The following RYR2 variants were observed in gnomAD, a reference collection of about 807,000 sequenced individuals.
The protein encoded by RYR2 is cardiac muscle ryanodine receptor-calcium release channel.
A neutral mutation model predicts 601.1 loss-of-function variants in RYR2; 227 were observed. The observed-to-expected ratio is 0.38, with a 90% CI of 0.34 to 0.42. The LOEUF is 0.42. Ranked by LOEUF, RYR2 falls within the 10% of genes least tolerant of loss-of-function variation. The probability of loss-of-function intolerance (pLI) is 1.00; values close to 1 mark genes in which losing one functional copy is unlikely to be tolerated. For synonymous variants in RYR2, 2,223 were observed against 2,175.1 expected (o/e 1.02, Z -0.61); for missense variants, 4,646 against 6,156.5 (o/e 0.75, Z 8.21).
chr1:237,745,588 A>C (rs1692001819), intron 80 of RYR2, among the ~76,000 whole-genome samples: 1 of 152,204 alleles, frequency 6.6e-6, no homozygotes, highest in African/African-American at 2.4e-5. Context: ...TGACATTAGA[A>C]AGGCTCCTCA....
intron 1 of RYR2, among the ~76,000 whole-genome samples, chr1:237,101,960 A>G (rs1668151047): frequency 6.6e-6 from 1 of 152,220 alleles, no homozygotes; most frequent in Admixed American, 6.5e-5. Context: ...GTGAGTTAAT[A>G]ATGTGGCATC....
rs527828648 is a variant in RYR2 at position 237,383,277 on chromosome 1, G to A, written c.577-4004G>A. Among the ~76,000 whole-genome samples, 25 of 152,032 alleles carry A rather than the reference G, an allele frequency of 1.6e-4. No homozygotes were observed. In the South Asian group the frequency reaches 3.3e-3, roughly 20 times the overall value. On this transcript the variant is annotated intron_variant, in intron 8 of 104. Coordinates refer to ENST00000366574, the MANE Select transcript of RYR2 (RefSeq NM_001035.3). ...AAGAACTCCTGGAAGGTGATTTATCGTGTCCCTTCCATTTCTGAGATGTTG... is the reference window on the plus strand; with the variant it reads ...AAGAACTCCTGGAAGGTGATTTATCATGTCCCTTCCATTTCTGAGATGTTG...
intron 2 of RYR2, among the ~76,000 whole-genome samples, chr1:237,289,602 T>G (rs895229801): frequency 2.0e-5 from 3 of 152,026 alleles, no homozygotes; most frequent in Non-Finnish European, 4.4e-5. Context: ...AGCATGGGGG[T>G]AACCATCACC....
Position 237,808,946 on chromosome 1 carries a change from A to T in RYR2, c.14344A>T (p.Thr4782Ser). ...ATTAGCTGTTGTTGTATACCTATAC[A>T]CTGTGGTGGCATTCAATTTTTTCCG... ...GLLAVVVYLY[T>S]VVAFNFFRKF... Residue 4782 changes from threonine (T) to serine (S), a missense_variant, in exon 100 of 105, where the codon ACT becomes TCT. By Grantham distance (58) the Thr-to-Ser change is moderately conservative. Coordinates refer to ENST00000366574, the MANE Select transcript of RYR2 (RefSeq NM_001035.3). The T allele has an allele frequency of 6.2e-7, 1 of 1,613,364 alleles. No homozygotes were observed. The highest frequency in any genetic ancestry group is 8.5e-7 in the Non-Finnish European group (1 of 1,179,274).
At position 237,698,837 on chromosome 1, in the gene RYR2, T is replaced by C. The variant is rs1687718820; in HGVS notation, c.9068-128T>C. The stretch of plus-strand genomic sequence containing the variant: ...AAAACTGCATGATTTCAAACTTGAT[T>C]ATTAAAAAACCTTTTAAAATATTAC... On this transcript the variant is annotated intron_variant, in intron 63 of 104. Transcript: ENST00000366574. 42 of 545,364 alleles carry C rather than the reference T, an allele frequency of 7.7e-5. No individual in the cohort carries two copies. The South Asian group carries it at 1.2e-3, about 15-fold the overall frequency. The allele number at this position is 545,364 out of a possible 1,614,324, so 33.8% of individuals were successfully genotyped here. A position where few individuals can be genotyped will look rare whatever the true frequency, so the allele number is the denominator to read the frequency against.
chr1:237,558,474 CATT>C (rs1416217189), intron 27 of RYR2, among the ~76,000 whole-genome samples: 7 of 152,256 alleles, frequency 4.6e-5, no homozygotes, highest in Admixed American at 1.3e-4. Flanking sequence ...AAGGCATTGA[CATT>C]AATCTTTTGG....
chr1:237,818,533 T>C (rs1439138669), intron 100 of RYR2, among the ~76,000 whole-genome samples: 1 of 152,062 alleles, frequency 6.6e-6, no homozygotes, highest in Non-Finnish European at 1.5e-5. Flanking sequence ...ATTCTAGATA[T>C]TAAAGTAGAA....
At chr1:237,444,121 T>C (rs1409099041) in intron 13 of RYR2, among the ~76,000 whole-genome samples, 6 of 152,222 alleles carry the variant, frequency 3.9e-5, no homozygotes, top group African/African-American at 2.4e-5. Flanking sequence ...TTTGTGTTTT[T>C]ACTTTCTGTT....
chr1:237,568,287 T>C (rs563360394), intron 28 of RYR2, among the ~76,000 whole-genome samples: 14 of 152,288 alleles, frequency 9.2e-5, no homozygotes, highest in Non-Finnish European at 1.8e-4. Context: ...AGAAGAATTA[T>C]GTCATTGCTT....
chr1:237,324,526 TA>T (rs1473806193), intron 2 of RYR2, among the ~76,000 whole-genome samples: 8 of 152,238 alleles, frequency 5.3e-5, no homozygotes, highest in African/African-American at 1.9e-4. Context: ...TCTCTTAATT[TA>T]TATCTCTCTG....
chr1:237,363,219 T>C (rs971691452), intron 4 of RYR2, among the ~76,000 whole-genome samples: 1 of 152,104 alleles, frequency 6.6e-6, no homozygotes, highest in Non-Finnish European at 1.5e-5. Flanking sequence ...TCTCTACCAT[T>C]AGTGAGTCAC....
chr1:237,761,570 T>C (rs1693437820), intron 84 of RYR2, among the ~76,000 whole-genome samples: 1 of 152,200 alleles, frequency 6.6e-6, no homozygotes, highest in Non-Finnish European at 1.5e-5. Context: ...CTTAAATAAT[T>C]CTGTGCACAA....
intron 17 of RYR2, among the ~76,000 whole-genome samples, chr1:237,479,139 G>A (rs1661745580): frequency 6.6e-6 from 1 of 152,038 alleles, no homozygotes; most frequent in Admixed American, 6.5e-5. Context: ...AAAGTGTTTT[G>A]GTCTTCTGGT....
At chr1:237,544,641 A>T (rs554521149) in intron 25 of RYR2, among the ~76,000 whole-genome samples, 4 of 152,328 alleles carry the variant, frequency 2.6e-5, no homozygotes, top group Non-Finnish European at 4.4e-5. Context: ...CATTCATATT[A>T]GCAGTTGGTT....
chr1:237,420,813 G>T (rs1261652933), intron 11 of RYR2, among the ~76,000 whole-genome samples: 2 of 152,140 alleles, frequency 1.3e-5, no homozygotes, highest in Admixed American at 1.3e-4. Context: ...GTTCCATGAT[G>T]ATTAAGATGA....
At chr1:237,155,179 C>CTTTTTTTTTT (rs11412062) in intron 1 of RYR2, among the ~76,000 whole-genome samples, 1 of 127,632 alleles carries the variant, frequency 7.8e-6, no homozygotes. Flanking sequence ...TTTTTCTTTT[C>CTTTTTTTTTT]TTTTTTTTTT....
At chr1:237,304,049 C>T (rs148686975) in intron 2 of RYR2, among the ~76,000 whole-genome samples, 286 of 152,302 alleles carry the variant, frequency 1.9e-3, no homozygotes, top group African/African-American at 6.5e-3. Flanking sequence ...GATCACTCTA[C>T]TGTAATTCCA....
At chr1:237,796,009 C>T (rs1285929011) in intron 96 of RYR2, among the ~76,000 whole-genome samples, 1 of 149,804 alleles carries the variant, frequency 6.7e-6, no homozygotes, top group Non-Finnish European at 1.5e-5. Flanking sequence ...TGTACATGTA[C>T]ATATATGTAT....
In RYR2 at chr1:237,626,017, A is replaced by G. The variant is rs512336; in HGVS notation, c.6166+213A>G. Among the ~76,000 whole-genome samples the G allele has an allele frequency of 0.85, 129,280 of 152,176 alleles. 55,126 individuals carry two copies. Among genetic ancestry groups the G allele is most frequent in the Non-Finnish European group, 0.88 (59,950 of 68,024 alleles). On this transcript the variant is annotated intron_variant, in intron 40 of 104. Coordinates refer to ENST00000366574, the MANE Select transcript of RYR2 (RefSeq NM_001035.3). ...AGACTGAGAGGTAGCAGCATGATAA[A>G]GATGGATGGTCTCCATAGAGAACTA...
Sources: allele counts gnomAD v4.1 joint callset (sites outside exome capture counted in the v4.1 genomes callset), GRCh38; gene constraint gnomAD v4.1.1; transcripts MANE v1.5; gene names NCBI Gene and HGNC (gene_info 2026-07-23, HGNC 2026-07-21).